Variants in SPOCK1 observed in about 807,000 individuals in gnomAD.
SPOCK1 encodes SPARC (osteonectin), cwcv and kazal like domains proteoglycan 1.
In SPOCK1, 23 loss-of-function variants were observed where a neutral mutation model predicts 55.3. The observed-to-expected ratio is 0.42, with a 90% CI of 0.30 to 0.59. SPOCK1 has a LOEUF of 0.59. Among genes scored for constraint, SPOCK1 ranks in the 20% least tolerant of loss-of-function variants. The pLI is 0.22. For synonymous variants in SPOCK1, 226 were observed against 221.0 expected (o/e 1.02, Z -0.20); for missense variants, 499 against 552.5 (o/e 0.90, Z 0.97).
At chr5:137,371,999 A>T (rs1158629156) in intron 2 of SPOCK1, among the ~76,000 whole-genome samples, 2 of 152,256 alleles carry the variant, frequency 1.3e-5, no homozygotes, top group Non-Finnish European at 2.9e-5. Context: ...GGGAACATTC[A>T]TTCTAATATT....
chr5:137,340,108 T>C (rs1750385765), intron 2 of SPOCK1, among the ~76,000 whole-genome samples: 2 of 152,060 alleles, frequency 1.3e-5, no homozygotes, highest in Non-Finnish European at 2.9e-5. Context: ...AAACACTTGA[T>C]TAAAACACAC....
At chr5:137,451,340 C>A (rs1264583501) in intron 2 of SPOCK1, among the ~76,000 whole-genome samples, 1 of 152,212 alleles carries the variant, frequency 6.6e-6, no homozygotes, top group Admixed American at 6.5e-5. Flanking sequence ...TACACAGTTT[C>A]TCCCAATGTT....
intron 3 of SPOCK1, among the ~76,000 whole-genome samples, chr5:137,254,895 C>A (rs958920): frequency 0.067 from 10,256 of 152,278 alleles, 1,057 homozygotes; most frequent in African/African-American, 0.23. Flanking sequence ...AAGCACAGAT[C>A]ATCTGAACTC....
chr5:137,012,079 A>T (rs1463113323), intron 6 of SPOCK1, among the ~76,000 whole-genome samples: 1 of 152,136 alleles, frequency 6.6e-6, no homozygotes, highest in Non-Finnish European at 1.5e-5. Context: ...GCTGCCACTG[A>T]CTGCTTGTTG....
chr5:137,280,373 A>G (rs1013582927), intron 2 of SPOCK1, among the ~76,000 whole-genome samples: 1 of 152,228 alleles, frequency 6.6e-6, no homozygotes. Flanking sequence ...CTAACATTGT[A>G]TGATTCTAAA....
At chr5:137,013,099 A>T (rs900665466) in intron 6 of SPOCK1, among the ~76,000 whole-genome samples, 2 of 152,192 alleles carry the variant, frequency 1.3e-5, no homozygotes, top group African/African-American at 4.8e-5. Flanking sequence ...GGTATATAAT[A>T]AAAGGTTAAC....
intron 2 of SPOCK1, among the ~76,000 whole-genome samples, chr5:137,458,361 T>A (rs533815152): frequency 6.6e-6 from 1 of 152,332 alleles, no homozygotes; most frequent in African/African-American, 2.4e-5. Context: ...GTTGACACTA[T>A]TTTCTAAATT....
chr5:136,997,637 C>T lies in SPOCK1; in HGVS notation c.590-5037G>A, dbSNP rs527732745. 8.5e-5 allele frequency among the ~76,000 whole-genome samples: 13 copies of T among 152,304 alleles called. 1 individual carries two copies. The South Asian group carries it at 1.0e-3, about 12-fold the overall frequency. On this transcript the variant is annotated intron_variant, in intron 6 of 10. Transcript: ENST00000394945. The stretch of plus-strand genomic sequence containing the variant: ...TCACGCTCTGGCCTTACTGCCCCTC[C>T]GACATGCTCTTCTATTGGGAAACAA...
intron 2 of SPOCK1, among the ~76,000 whole-genome samples, chr5:137,468,159 C>T (rs1753660465): frequency 6.6e-6 from 1 of 152,224 alleles, no homozygotes; most frequent in Non-Finnish European, 1.5e-5. Flanking sequence ...ATGAAGACTC[C>T]TTCTCATTCC....
intron 5 of SPOCK1, among the ~76,000 whole-genome samples, chr5:137,076,923 A>G (rs2127011291): frequency 6.6e-6 from 1 of 151,634 alleles, no homozygotes; most frequent in East Asian, 1.9e-4. Context: ...TAAGTAGCAG[A>G]TTTAAAATTT....
intron 2 of SPOCK1, among the ~76,000 whole-genome samples, chr5:137,345,242 A>G (rs1467285716): frequency 6.6e-6 from 1 of 152,210 alleles, no homozygotes; most frequent in Non-Finnish European, 1.5e-5. Context: ...ATTTTAGCAA[A>G]GAATATGACT....
chr5:136,989,993 C>T (rs1750916016), intron 7 of SPOCK1, among the ~76,000 whole-genome samples: 1 of 152,088 alleles, frequency 6.6e-6, no homozygotes, highest in African/African-American at 2.4e-5. Context: ...TCACTGCAAG[C>T]TCTGCCTCCC....
In SPOCK1 at chr5:137,335,034, C is replaced by T. The variant is rs544516755; in HGVS notation, c.187-67979G>A. Among the ~76,000 whole-genome samples the T allele has an allele frequency of 2.0e-4, 30 of 152,264 alleles. No homozygotes were observed. In the South Asian group the frequency reaches 2.3e-3, roughly 12 times the overall value. On this transcript the variant is annotated intron_variant, in intron 2 of 10. Transcript: ENST00000394945. ...ACGGCACATTTACAGAGACAGAAGGCGGACCAGCAGTTGCCTGGGGTTAGG... is the reference window on the plus strand; with the variant it reads ...ACGGCACATTTACAGAGACAGAAGGTGGACCAGCAGTTGCCTGGGGTTAGG...
chr5:137,033,600 C>T lies in SPOCK1; in HGVS notation c.589+34115G>A, dbSNP rs74405476. ...TAGCTCTGTCTACCCCTCTCCCTCA[C>T]CTCATTCACACTTACAAATCCTTCC... On this transcript the variant is annotated intron_variant, in intron 6 of 10. Coordinates refer to ENST00000394945, the MANE Select transcript of SPOCK1 (RefSeq NM_004598.4). 5.4e-3 allele frequency among the ~76,000 whole-genome samples: 815 copies of T among 152,254 alleles called. 11 individuals are homozygous for T. The highest frequency in any genetic ancestry group is 0.019 in the African/African-American group (782 of 41,542).
intron 2 of SPOCK1, among the ~76,000 whole-genome samples, chr5:137,318,530 G>A (rs1366344079): frequency 6.6e-6 from 1 of 152,174 alleles, no homozygotes; most frequent in African/African-American, 2.4e-5. Flanking sequence ...AGAGGTAAGA[G>A]TGCTCGAGAT....
At chr5:137,244,560 A>G (rs1020011846) in intron 3 of SPOCK1, among the ~76,000 whole-genome samples, 2 of 152,238 alleles carry the variant, frequency 1.3e-5, no homozygotes, top group African/African-American at 4.8e-5. Flanking sequence ...AAACACAGTA[A>G]TCAATTTTGA....
chr5:137,025,590 T>C (rs1251307603), intron 6 of SPOCK1, among the ~76,000 whole-genome samples: 1 of 152,186 alleles, frequency 6.6e-6, no homozygotes, highest in East Asian at 1.9e-4. Context: ...GGCTCATGCC[T>C]GTAGTCCTAG....
chr5:137,292,621 C>A (rs1757395503), intron 2 of SPOCK1, among the ~76,000 whole-genome samples: 1 of 152,140 alleles, frequency 6.6e-6, no homozygotes, highest in African/African-American at 2.4e-5. Flanking sequence ...AGCTAGTCTT[C>A]TGCACATGAA....
In SPOCK1 at chr5:137,427,467, G is replaced by C. The variant is rs191309909; in HGVS notation, c.186+70906C>G. 3.7e-3 allele frequency among the ~76,000 whole-genome samples: 563 copies of C among 152,316 alleles called. 5 individuals are homozygous for C. Among genetic ancestry groups the C allele is most frequent in the African/African-American group, 0.013 (542 of 41,574 alleles). ...AGCCAAGGGCATGGGCAAGGGCTGA[G>C]CTCTATGTGGTCTCCCTTGTTTTCT... is the stretch of plus-strand genomic sequence containing the variant. On this transcript the variant is annotated intron_variant, in intron 2 of 10. Coordinates refer to ENST00000394945, the MANE Select transcript of SPOCK1 (RefSeq NM_004598.4).
Sources: allele counts gnomAD v4.1 joint callset (sites outside exome capture counted in the v4.1 genomes callset), GRCh38; gene constraint gnomAD v4.1.1; transcripts MANE v1.5; gene names NCBI Gene and HGNC (gene_info 2026-07-23, HGNC 2026-07-21).